The following BTRC variants were observed in gnomAD, a reference collection of about 807,000 sequenced individuals.
BTRC encodes beta-transducin repeat containing E3 ubiquitin protein ligase, also known as F-box/WD repeat-containing protein 1A.
Under a neutral mutation model 85.5 loss-of-function variants are expected in BTRC, and 42 were observed. The ratio of observed to expected loss-of-function variants is 0.49; its 90% CI spans 0.38 to 0.64. The LOEUF (loss-of-function observed/expected upper bound fraction) is 0.64, where lower values mean the gene tolerates loss of function less well. BTRC is among the 30% of genes least tolerant of loss of function. The pLI is 0.00. For synonymous variants in BTRC, 255 were observed against 263.3 expected (o/e 0.97, Z 0.30); for missense variants, 594 against 743.5 (o/e 0.80, Z 2.34).
At chr10:101,426,079 C>T (rs1944244362) in intron 1 of BTRC, among the ~76,000 whole-genome samples, 1 of 152,108 alleles carries the variant, frequency 6.6e-6, no homozygotes. Flanking sequence ...AATGACAGTC[C>T]TTTCCACTTT....
intron 1 of BTRC, among the ~76,000 whole-genome samples, chr10:101,385,373 A>G (rs1241550713): frequency 3.3e-5 from 5 of 150,522 alleles, no homozygotes; most frequent in African/African-American, 9.7e-5. Context: ...TCTCAAAAAA[A>G]AAAAAAAAAA....
intron 2 of BTRC, among the ~76,000 whole-genome samples, chr10:101,430,912 C>T (rs1217339853): frequency 6.6e-6 from 1 of 151,924 alleles, no homozygotes; most frequent in East Asian, 1.9e-4. Context: ...AATTATACTA[C>T]TAAGTATATA....
chr10:101,492,259 T>G (rs530480371), intron 4 of BTRC, among the ~76,000 whole-genome samples: 2 of 152,326 alleles, frequency 1.3e-5, no homozygotes, highest in African/African-American at 4.8e-5. Context: ...TTGTTTGTTT[T>G]CAATGTGGGA....
chr10:101,354,361 G>C lies in BTRC; in HGVS notation c.48+133G>C, dbSNP rs563323683. On this transcript the variant is annotated intron_variant, in intron 1 of 14. Coordinates refer to ENST00000370187, the MANE Select transcript of BTRC (RefSeq NM_033637.4). ...AGGCTGGCGGCGGAGCGGCTGGAGG[G>C]ATGGGATGGGAGCTCCAGAAAGGAG... is the stretch of plus-strand genomic sequence containing the variant. The C allele has an allele frequency of 7.9e-6, 8 of 1,008,576 alleles. No individual in the cohort carries two copies. The African/African-American group carries it at 1.0e-4, about 13-fold the overall frequency. The allele number at this position is 1,008,576 out of a possible 1,614,324, so 62.5% of individuals were successfully genotyped here.
chr10:101,378,725 A>G (rs902419463), intron 1 of BTRC, among the ~76,000 whole-genome samples: 18 of 151,950 alleles, frequency 1.2e-4, no homozygotes, highest in African/African-American at 3.6e-4. Context: ...GGGTTTCACC[A>G]TGTTGGCCAG....
At chr10:101,455,427 T>C (rs1945050984) in intron 2 of BTRC, among the ~76,000 whole-genome samples, 2 of 151,970 alleles carry the variant, frequency 1.3e-5, no homozygotes, top group African/African-American at 4.8e-5. Context: ...TACAGTAGTG[T>C]GGGGTGGGAA....
chr10:101,502,384 T>C (rs1033510122), intron 4 of BTRC, among the ~76,000 whole-genome samples: 4 of 151,914 alleles, frequency 2.6e-5, no homozygotes, highest in African/African-American at 9.7e-5. Flanking sequence ...CTCTGAAAGA[T>C]TGAAAATGAA....
intron 4 of BTRC, among the ~76,000 whole-genome samples, chr10:101,487,929 GCT>G: frequency 6.6e-6 from 1 of 152,242 alleles, no homozygotes; most frequent in Non-Finnish European, 1.5e-5. Flanking sequence ...CTGGTTGCAG[GCT>G]TAAGAAATAC....
chr10:101,481,246 A>G (rs1945826514), intron 4 of BTRC, among the ~76,000 whole-genome samples: 1 of 152,218 alleles, frequency 6.6e-6, no homozygotes, highest in East Asian at 1.9e-4. Flanking sequence ...ACCCAGCCCA[A>G]GTCTACTTTA....
At chr10:101,531,751 C>T (rs1375052529) in intron 7 of BTRC, among the ~76,000 whole-genome samples, 1 of 152,090 alleles carries the variant, frequency 6.6e-6, no homozygotes, top group Non-Finnish European at 1.5e-5. Flanking sequence ...AAATCAATCT[C>T]TTTACAGGCG....
chr10:101,538,034 T>C (rs1461214916), intron 12 of BTRC, among the ~76,000 whole-genome samples: 1 of 152,184 alleles, frequency 6.6e-6, no homozygotes, highest in Admixed American at 6.5e-5. Flanking sequence ...GCTTCACAGT[T>C]GTAGATTTCT....
intron 4 of BTRC, 129 bp from the exon 5 acceptor site, chr10:101,521,510 T>C (rs2062104909): frequency 3.0e-6 from 2 of 667,906 alleles, no homozygotes; most frequent in Admixed American, 3.1e-5. Flanking sequence ...TTCCACGTAA[T>C]TGCTAATAGA....
intron 3 of BTRC, among the ~76,000 whole-genome samples, chr10:101,466,088 G>T (rs1321375914): frequency 6.6e-6 from 1 of 152,148 alleles, no homozygotes; most frequent in Non-Finnish European, 1.5e-5. Flanking sequence ...GAAAATTGTG[G>T]CATTACAACG....
intron 13 of BTRC, among the ~76,000 whole-genome samples, chr10:101,546,042 C>G (rs3127237): frequency 1.0e-3 from 159 of 152,250 alleles, no homozygotes; most frequent in African/African-American, 3.7e-3. Context: ...CTTCAGCACC[C>G]CCTATCAGTA....
chr10:101,522,409 CTTTTTTTTTTTTTTTTT>C (rs1176651688), intron 5 of BTRC, among the ~76,000 whole-genome samples: 3 of 29,536 alleles, frequency 1.0e-4, no homozygotes, highest in Non-Finnish European at 1.7e-4. Flanking sequence ...ATAAAGACTC[CTTTTTTTTTTTTTTTTT>C]TTTTTTTTTT....
intron 4 of BTRC, among the ~76,000 whole-genome samples, chr10:101,499,330 G>C (rs1946345580): frequency 6.6e-6 from 1 of 151,872 alleles, no homozygotes. Flanking sequence ...TCCGCCTTCT[G>C]GGCTCAAGCA....
chr10:101,379,165 A>T (rs1183222997), intron 1 of BTRC, among the ~76,000 whole-genome samples: 1 of 152,222 alleles, frequency 6.6e-6, no homozygotes, highest in East Asian at 1.9e-4. Flanking sequence ...ATCAGAAAGG[A>T]TTGCTTCCAC....
chr10:101,492,750 C>G (rs1016214071), intron 4 of BTRC, among the ~76,000 whole-genome samples: 2 of 152,008 alleles, frequency 1.3e-5, no homozygotes, highest in Admixed American at 1.3e-4. Context: ...GTTTTTCTTA[C>G]GAAAGATGGA....
At chr10:101,441,602 G>A (rs752270379) in intron 2 of BTRC, among the ~76,000 whole-genome samples, 14 of 152,010 alleles carry the variant, frequency 9.2e-5, no homozygotes, top group Admixed American at 2.6e-4. Flanking sequence ...TTTCTTGGCC[G>A]GGCGTGGTGG....
Sources: allele counts gnomAD v4.1 joint callset (sites outside exome capture counted in the v4.1 genomes callset), GRCh38; gene constraint gnomAD v4.1.1; transcripts MANE v1.5; gene names NCBI Gene and HGNC (gene_info 2026-07-23, HGNC 2026-07-21).